Variants in PATJ observed in about 807,000 individuals in gnomAD.
The protein encoded by PATJ is PATJ crumbs cell polarity complex component.
A neutral mutation model predicts 224.9 loss-of-function variants in PATJ; 190 were observed. The observed-to-expected ratio is 0.84, with a 90% CI of 0.75 to 0.95. PATJ has a LOEUF of 0.95. Among genes scored for constraint, PATJ ranks in the 40% least tolerant of loss-of-function variants. The pLI, the probability that PATJ is intolerant of heterozygous loss-of-function variation, is 0.00. For missense variants in PATJ, 2,121 were observed against 2,270.3 expected (o/e 0.93, Z 1.34); for synonymous variants, 769 against 820.3 (o/e 0.94, Z 1.07).
At chr1:62,014,748 G>T (rs1228720484) in intron 28 of PATJ, among the ~76,000 whole-genome samples, 2 of 151,332 alleles carry the variant, frequency 1.3e-5, no homozygotes, top group Non-Finnish European at 2.9e-5. Flanking sequence ...TATATTGTTT[G>T]TCAAGACAGG....
chr1:62,139,220 G>T (rs1667242534), intron 41 of PATJ, among the ~76,000 whole-genome samples: 1 of 151,918 alleles, frequency 6.6e-6, no homozygotes, highest in South Asian at 2.1e-4. Context: ...GGCCAAGATG[G>T]TGAAACCCCG....
At chr1:61,755,054 G>C (rs1245690529) in intron 1 of PATJ, among the ~76,000 whole-genome samples, 2 of 151,848 alleles carry the variant, frequency 1.3e-5, no homozygotes, top group South Asian at 2.1e-4. Flanking sequence ...AATCCCTGGG[G>C]GATTACACTT....
At chr1:61,952,871 A>G (rs1679919937) in intron 27 of PATJ, among the ~76,000 whole-genome samples, 1 of 152,218 alleles carries the variant, frequency 6.6e-6, no homozygotes, top group Admixed American at 6.5e-5. Flanking sequence ...TTAAAAACTG[A>G]CCATTCAGCA....
chr1:62,030,085 A>G (rs1050929700), intron 29 of PATJ, among the ~76,000 whole-genome samples: 1 of 152,198 alleles, frequency 6.6e-6, no homozygotes, highest in African/African-American at 2.4e-5. Flanking sequence ...GGCAACATGA[A>G]AAGGACATGA....
intron 41 of PATJ, among the ~76,000 whole-genome samples, chr1:62,137,143 A>C (rs568966913): frequency 3.3e-5 from 5 of 152,102 alleles, no homozygotes; most frequent in Non-Finnish European, 7.4e-5. Flanking sequence ...TAAATACACA[A>C]TATTTCACTG....
intron 21 of PATJ, among the ~76,000 whole-genome samples, chr1:61,882,078 G>A (rs948427327): frequency 6.6e-6 from 1 of 152,156 alleles, no homozygotes; most frequent in East Asian, 1.9e-4. Context: ...GTGCTGCTCT[G>A]GGGGTCATGA....
intron 15 of PATJ, among the ~76,000 whole-genome samples, chr1:61,823,818 A>G (rs1300909142): frequency 1.3e-5 from 2 of 152,080 alleles, no homozygotes; most frequent in Non-Finnish European, 2.9e-5. Context: ...GTGTAATTGT[A>G]ATTTATTAGT....
chr1:62,140,545 G>A (rs927415029), intron 41 of PATJ, among the ~76,000 whole-genome samples: 2 of 151,946 alleles, frequency 1.3e-5, no homozygotes, highest in Non-Finnish European at 1.5e-5. Flanking sequence ...CCTAGCTACT[G>A]GGGAGGCTGA....
chr1:61,838,059 A>G (rs1344974754), intron 17 of PATJ, among the ~76,000 whole-genome samples: 1 of 152,242 alleles, frequency 6.6e-6, no homozygotes, highest in Non-Finnish European at 1.5e-5. Flanking sequence ...GGTCAAAGAC[A>G]AAAGAGAAAG....
At chr1:62,019,964 T>A (rs1045781827) in intron 29 of PATJ, among the ~76,000 whole-genome samples, 12 of 150,626 alleles carry the variant, frequency 8.0e-5, no homozygotes, top group African/African-American at 2.9e-4. Context: ...AGTTCAGGAG[T>A]TTGAGACTGG....
chr1:61,820,532 G>T (rs1355462952), intron 14 of PATJ, among the ~76,000 whole-genome samples: 2 of 152,020 alleles, frequency 1.3e-5, no homozygotes, highest in African/African-American at 4.8e-5. Context: ...AGTAGAGATG[G>T]GGTTTCTCCA....
chr1:62,047,741 T>G (rs1652819934), intron 30 of PATJ, among the ~76,000 whole-genome samples: 2 of 152,240 alleles, frequency 1.3e-5, no homozygotes, highest in Admixed American at 1.3e-4. Flanking sequence ...ACATTACCAC[T>G]GTCAAAAATG....
chr1:61,742,728 C>T lies in PATJ; in HGVS notation c.-36+173C>T, dbSNP rs562981093. Among the ~76,000 whole-genome samples the T allele has an allele frequency of 2.0e-5, 3 of 151,320 alleles. No individual in the cohort carries two copies. In the South Asian group the frequency reaches 6.2e-4, roughly 31 times the overall value. ...GGGAGCCGGAGGTGGAGGGCGCCGCCGGGCGCTCAGAGGGGCCGCGGCGAG... is the reference window on the plus strand; with the variant it reads ...GGGAGCCGGAGGTGGAGGGCGCCGCTGGGCGCTCAGAGGGGCCGCGGCGAG... On this transcript the variant is annotated intron_variant, in intron 1 of 43. Coordinates refer to ENST00000642238, the MANE Select transcript of PATJ (RefSeq NM_001350145.3).
At chr1:61,847,953 G>C (rs1280282325) in intron 17 of PATJ, among the ~76,000 whole-genome samples, 2 of 151,886 alleles carry the variant, frequency 1.3e-5, no homozygotes, top group African/African-American at 4.8e-5. Context: ...TTTTTTTATA[G>C]TAAATACCCT....
At chr1:62,060,174 T>G (rs1469572634) in intron 31 of PATJ, among the ~76,000 whole-genome samples, 1 of 152,124 alleles carries the variant, frequency 6.6e-6, no homozygotes, top group East Asian at 1.9e-4. Flanking sequence ...GAGCAGAAAC[T>G]GTTGCTCTCC....
Position 62,054,222 on chromosome 1 carries a change from G to A in PATJ, c.4125+3164G>A, listed in dbSNP as rs556168105. 91 of 207,146 alleles carry A rather than the reference G, an allele frequency of 4.4e-4. 2 individuals carry two copies. The South Asian group carries it at 4.8e-3, about 11-fold the overall frequency. The allele number at this position is 207,146 out of a possible 1,614,324, so 12.8% of individuals were successfully genotyped here. On this transcript the variant is annotated intron_variant, in intron 31 of 43. Transcript: ENST00000642238. Reference sequence around the variant, plus strand: ...AAAAAAAAAAGAAGAAATTAGCTGAGTGTGGTGACAAGCACCTGTAGTCTC... The same window carrying A: ...AAAAAAAAAAGAAGAAATTAGCTGAATGTGGTGACAAGCACCTGTAGTCTC...
chr1:62,123,056 A>G lies in PATJ; in HGVS notation c.5041A>G (p.Arg1681Gly). Residue 1681 changes from arginine (R) to glycine (G), a missense_variant and splice_region_variant, in exon 39 of 44, where the codon AGG becomes GGG. Physicochemically the swap from Arg to Gly is moderately radical, Grantham distance 125. Coordinates refer to ENST00000642238, the MANE Select transcript of PATJ (RefSeq NM_001350145.3). ...DMEPRTVEINRELSDALGISI... is the reference protein window; with the variant it reads ...DMEPRTVEINGELSDALGISI... ...GGAACCAAGGACTGTTGAGATAAAC[A>G]GGGTAAGTCAGTCATTTTGCTGTAT... 6.3e-7 allele frequency: 1 copy of G among 1,593,190 alleles called. No homozygotes were observed. The highest frequency in any genetic ancestry group is 8.6e-7 in the Non-Finnish European group (1 of 1,166,526).
At chr1:62,102,165 C>T (rs1430343636) in intron 33 of PATJ, among the ~76,000 whole-genome samples, 6 of 150,790 alleles carry the variant, frequency 4.0e-5, no homozygotes, top group South Asian at 2.1e-4. Context: ...GACAACAAAG[C>T]GAGACCCTGT....
chr1:62,071,442 A>G (rs547856918), intron 31 of PATJ, among the ~76,000 whole-genome samples: 2 of 151,748 alleles, frequency 1.3e-5, no homozygotes, highest in South Asian at 2.1e-4. Flanking sequence ...ATGGATGGGG[A>G]AATTAAGGCT....
Sources: allele counts gnomAD v4.1 joint callset (sites outside exome capture counted in the v4.1 genomes callset), GRCh38; gene constraint gnomAD v4.1.1; transcripts MANE v1.5; gene names NCBI Gene and HGNC (gene_info 2026-07-23, HGNC 2026-07-21).